Variants in SNW1 observed in about 807,000 individuals in gnomAD.
SNW1 encodes SNW domain containing 1.
A neutral mutation model predicts 75.6 loss-of-function variants in SNW1; 9 were observed. The ratio of observed to expected loss-of-function variants is 0.12; its 90% CI spans 0.07 to 0.21. SNW1 has a LOEUF of 0.21. Among genes scored for constraint, SNW1 ranks in the 10% least tolerant of loss-of-function variants. The pLI is 1.00. For synonymous variants in SNW1, 200 were observed against 219.1 expected (o/e 0.91, Z 0.77); for missense variants, 409 against 670.9 (o/e 0.61, Z 4.31).
intron 2 of SNW1, among the ~76,000 whole-genome samples, chr14:77,753,191 T>C (rs1207650827): frequency 6.6e-6 from 1 of 152,252 alleles, no homozygotes; most frequent in East Asian, 1.9e-4. Flanking sequence ...TAAGTTGTTC[T>C]GTTTCACCAG....
rs113984979 is a variant in SNW1, at chr14:77,721,509, C to T, written c.1131-681G>A. Among the ~76,000 whole-genome samples, 1,094 of 152,228 alleles carry T rather than the reference C, an allele frequency of 7.2e-3. 11 individuals are homozygous for T. Among genetic ancestry groups the T allele is most frequent in the Middle Eastern group, 0.037 (11 of 294 alleles). On this transcript the variant is annotated intron_variant, in intron 11 of 13. Transcript: ENST00000261531. ...TGTCAATTCTGATAGCCACTTTACT[C>T]GTTTTGAGGGCCCAATTTATCCACA... is the stretch of plus-strand genomic sequence containing the variant.
chr14:77,731,837 C>T (rs1377236893), intron 9 of SNW1, among the ~76,000 whole-genome samples: 1 of 152,110 alleles, frequency 6.6e-6, no homozygotes, highest in East Asian at 1.9e-4. Context: ...CTCCTGGGTT[C>T]GAGAGATTCT....
intron 8 of SNW1, 81 bp downstream of exon 8, chr14:77,734,866 A>T: frequency 1.1e-6 from 1 of 905,526 alleles, no homozygotes; most frequent in South Asian, 1.6e-5. Context: ...TGTTTCAACT[A>T]CAGTTATGCA....
chr14:77,727,816 A>G (rs1018337557), intron 10 of SNW1, among the ~76,000 whole-genome samples: 34 of 152,184 alleles, frequency 2.2e-4, no homozygotes, highest in African/African-American at 8.2e-4. Flanking sequence ...GGATTTTTGC[A>G]TCTAAGATTA....
intron 11 of SNW1, 24 bp downstream of exon 11, chr14:77,723,157 G>C (rs1293852019): frequency 1.9e-6 from 3 of 1,583,552 alleles, no homozygotes; most frequent in Non-Finnish European, 2.6e-6. Flanking sequence ...ACCATGATTG[G>C]TACACATCTT....
At chr14:77,738,585 A>G (rs2080692508) in intron 5 of SNW1, among the ~76,000 whole-genome samples, 193 bp downstream of exon 5, 1 of 152,220 alleles carries the variant, frequency 6.6e-6, no homozygotes, top group African/African-American at 2.4e-5. Context: ...CTCAGAAAAC[A>G]AACAAAAACC....
intron 1 of SNW1, among the ~76,000 whole-genome samples, chr14:77,756,875 A>G (rs1213574438): frequency 6.6e-6 from 1 of 152,208 alleles, no homozygotes; most frequent in Non-Finnish European, 1.5e-5. Context: ...GCAAAACTCC[A>G]TCTCAAACAA....
intron 3 of SNW1, among the ~76,000 whole-genome samples, chr14:77,740,299 G>C (rs1163687883): frequency 6.6e-6 from 1 of 151,954 alleles, no homozygotes; most frequent in East Asian, 1.9e-4. Context: ...GAGATCTCCA[G>C]AATTTTTTTT....
intron 5 of SNW1, 43 bp from the exon 6 acceptor site, chr14:77,737,118 C>A (rs1389427652): frequency 7.3e-7 from 1 of 1,367,094 alleles, no homozygotes; most frequent in South Asian, 1.2e-5. Context: ...TTAGTTCAAG[C>A]TTTCAGTAGG....
chr14:77,735,471 C>T (rs1339520962), intron 7 of SNW1, among the ~76,000 whole-genome samples: 1 of 152,042 alleles, frequency 6.6e-6, no homozygotes, highest in East Asian at 1.9e-4. Context: ...AAAGTAAAGA[C>T]GGGGTTTCTC....
intron 3 of SNW1, among the ~76,000 whole-genome samples, chr14:77,739,411 T>A (rs559090507): frequency 1.3e-5 from 2 of 152,290 alleles, no homozygotes; most frequent in South Asian, 4.1e-4. Context: ...TATAGCACCA[T>A]TAACCTGGAT....
At chr14:77,721,111 TG>T (rs1386922668) in intron 11 of SNW1, 3 of 320,052 alleles carry the variant, frequency 9.4e-6, no homozygotes, top group Non-Finnish European at 1.2e-5. Context: ...CTTACAACCA[TG>T]CTGAGATATA....
At chr14:77,753,047 T>C (rs1407323698) in intron 2 of SNW1, among the ~76,000 whole-genome samples, 3 of 152,232 alleles carry the variant, frequency 2.0e-5, no homozygotes, top group African/African-American at 7.2e-5. Flanking sequence ...ATGTGGTCAT[T>C]AAGCTTGCCA....
chr14:77,733,989 C>A, intron 8 of SNW1: 1 of 432,408 alleles, frequency 2.3e-6, no homozygotes. Flanking sequence ...AAGATACCAT[C>A]CAGTTACAAA....
At chr14:77,719,946 T>C (rs176963) in intron 12 of SNW1, among the ~76,000 whole-genome samples, 99,531 of 152,172 alleles carry the variant, frequency 0.65, 32,857 homozygotes, top group African/African-American at 0.72. Context: ...TGTGTGCGCA[T>C]GCGCCCGCGT....
At position 77,757,016 on chromosome 14, in the gene SNW1, A is replaced by G. The variant is rs932823099; in HGVS notation, c.15-1896T>C. 3.3e-5 allele frequency among the ~76,000 whole-genome samples: 5 copies of G among 152,234 alleles called. No individual in the cohort carries two copies. In the South Asian group the frequency reaches 1.0e-3, roughly 31 times the overall value. On this transcript the variant is annotated intron_variant, in intron 1 of 13. Coordinates refer to ENST00000261531, the MANE Select transcript of SNW1 (RefSeq NM_012245.3). ...AACAACTTTTAAGTATTAAAGTATT[A>G]CAGTGATACTCCAAAGTATTACAAA... is the stretch of plus-strand genomic sequence containing the variant.
At chr14:77,734,636 G>A (rs2080655591) in intron 8 of SNW1, among the ~76,000 whole-genome samples, 1 of 152,296 alleles carries the variant, frequency 6.6e-6, no homozygotes, top group East Asian at 1.9e-4. Flanking sequence ...TACTCAGGAG[G>A]CTGAGGCAGG....
chr14:77,759,236 T>C (rs1477065215), intron 1 of SNW1, among the ~76,000 whole-genome samples: 5 of 152,220 alleles, frequency 3.3e-5, no homozygotes, highest in African/African-American at 1.2e-4. Context: ...CCAGATGATG[T>C]GGTGGCTCAC....
intron 3 of SNW1, among the ~76,000 whole-genome samples, chr14:77,748,351 T>C (rs1670170194): frequency 2.0e-5 from 3 of 152,022 alleles, no homozygotes; most frequent in African/African-American, 7.2e-5. Flanking sequence ...CCCTCCACTA[T>C]TGTCCTATGA....
Sources: allele counts gnomAD v4.1 joint callset (sites outside exome capture counted in the v4.1 genomes callset), GRCh38; gene constraint gnomAD v4.1.1; transcripts MANE v1.5; gene names NCBI Gene and HGNC (gene_info 2026-07-23, HGNC 2026-07-21).